The following CSMD3 variants were observed in gnomAD, a reference collection of about 807,000 sequenced individuals.
The protein encoded by CSMD3 is CUB and sushi domain-containing protein 3.
In CSMD3, 177 loss-of-function variants were observed where a neutral mutation model predicts 435.2. The ratio of observed to expected loss-of-function variants is 0.41; its 90% CI spans 0.36 to 0.46. The LOEUF (loss-of-function observed/expected upper bound fraction) is 0.46, where lower values mean the gene tolerates loss of function less well. Among genes scored for constraint, CSMD3 ranks in the 20% least tolerant of loss-of-function variants. CSMD3 has a pLI of 0.34. For synonymous variants in CSMD3, 1,656 were observed against 1,520.5 expected, an observed-to-expected ratio of 1.09 and a Z score of -2.07; for missense variants, 4,265 against 4,504.6, an observed-to-expected ratio of 0.95 and a Z score of 1.52.
chr8:112,913,552 C>G lies in CSMD3; in HGVS notation c.1633+8075G>C, dbSNP rs2082487198. Among the ~76,000 whole-genome samples, 7 of 151,932 alleles carry G rather than the reference C, an allele frequency of 4.6e-5. No individual in the cohort carries two copies. The South Asian group carries it at 1.5e-3, about 31-fold the overall frequency. On this transcript the variant is annotated intron_variant, in intron 10 of 70. Coordinates refer to ENST00000297405, the MANE Select transcript of CSMD3 (RefSeq NM_198123.2). ...ATAAACTATTGTAATTATATACTAA[C>G]TTTTAAAACTCTTGGCGCCCACCCT...
chr8:113,205,884 C>T (rs1053193582), intron 3 of CSMD3, among the ~76,000 whole-genome samples: 4 of 151,906 alleles, frequency 2.6e-5, no homozygotes, highest in South Asian at 2.1e-4. Context: ...GCTTTCATCA[C>T]GTTTGTTCAG....
intron 7 of CSMD3, among the ~76,000 whole-genome samples, chr8:112,959,404 A>G (rs1323635257): frequency 1.3e-5 from 2 of 152,008 alleles, no homozygotes; most frequent in African/African-American, 4.8e-5. Context: ...TATTTTAACA[A>G]TAAAGTATCT....
chr8:113,076,498 G>A (rs2089342472), intron 5 of CSMD3, among the ~76,000 whole-genome samples: 2 of 151,876 alleles, frequency 1.3e-5, no homozygotes, highest in African/African-American at 4.8e-5. Context: ...ACTTTTATTT[G>A]ATTAAATCTA....
At chr8:113,139,503 T>C (rs2131723412) in intron 4 of CSMD3, among the ~76,000 whole-genome samples, 1 of 151,112 alleles carries the variant, frequency 6.6e-6, no homozygotes, top group South Asian at 2.1e-4. Flanking sequence ...TATATGTTTT[T>C]ATATATGTAA....
intron 32 of CSMD3, among the ~76,000 whole-genome samples, chr8:112,459,470 C>T (rs1441970183): frequency 1.3e-5 from 2 of 151,856 alleles, no homozygotes; most frequent in Admixed American, 6.6e-5. Context: ...GAAGGGCCAG[C>T]GGCCAGAGAA....
chr8:113,343,100 G>A (rs1300918154), intron 1 of CSMD3, among the ~76,000 whole-genome samples: 1 of 151,966 alleles, frequency 6.6e-6, no homozygotes, highest in Non-Finnish European at 1.5e-5. Flanking sequence ...GGGAGCAGGA[G>A]GAAGAAAAGA....
rs376215015 is a variant in CSMD3 at position 112,251,248 on chromosome 8, T to G, written c.10110+3005A>C. 7.2e-5 allele frequency among the ~76,000 whole-genome samples: 11 copies of G among 151,868 alleles called. No individual in the cohort carries two copies. The East Asian group carries it at 1.9e-3, about 27-fold the overall frequency. ...ATTTTTAAAAATAAATTTACGTTTT[T>G]CATTATGTATTTATACAAAACATTT... On this transcript the variant is annotated intron_variant, in intron 63 of 70. Coordinates refer to ENST00000297405, the MANE Select transcript of CSMD3 (RefSeq NM_198123.2).
intron 13 of CSMD3, among the ~76,000 whole-genome samples, chr8:112,743,201 GA>G (rs2077350556): frequency 6.6e-6 from 1 of 151,620 alleles, no homozygotes; most frequent in Non-Finnish European, 1.5e-5. Flanking sequence ...TAAATCTTAA[GA>G]GACAAAAGCA....
In CSMD3 at chr8:112,336,648, T is replaced by A. The variant is rs996123450; in HGVS notation, c.7019+4A>T. ...ATAAATCAATAACAATAGTCCTGAC[T>A]TACCATACAGTAATGAAATCATATA... On this transcript the variant is annotated splice_donor_region_variant and intron_variant, in intron 44 of 70. Coordinates refer to ENST00000297405, the MANE Select transcript of CSMD3 (RefSeq NM_198123.2). 1.3e-6 allele frequency: 2 copies of A among 1,597,696 alleles called. No homozygotes were observed. Among genetic ancestry groups the A allele is most frequent in the Admixed American group, 3.3e-5 (2 of 59,976 alleles).
rs987692387 is a variant in CSMD3 at position 112,455,696 on chromosome 8, T to G, written c.5395+16895A>C. On this transcript the variant is annotated intron_variant, in intron 32 of 70. Transcript: ENST00000297405. ...TGAAAGATTTTCCTAGCATTTTTTT[T>G]TCAACGTGCTCATTTTACAGATGAG... Among the ~76,000 whole-genome samples the G allele has an allele frequency of 9.9e-5, 15 of 152,194 alleles. No individual in the cohort carries two copies. The East Asian group carries it at 2.9e-3, about 29-fold the overall frequency.
At chr8:113,085,750 T>A (rs1325997437) in intron 5 of CSMD3, among the ~76,000 whole-genome samples, 3 of 152,274 alleles carry the variant, frequency 2.0e-5, no homozygotes, top group East Asian at 3.9e-4. Context: ...TGTAGAGTAA[T>A]TTTATGGTTA....
chr8:113,386,232 T>C (rs1244477362), intron 1 of CSMD3, among the ~76,000 whole-genome samples: 1 of 151,918 alleles, frequency 6.6e-6, no homozygotes, highest in South Asian at 2.1e-4. Context: ...AATCCAAATA[T>C]AGTGTTTAAG....
chr8:112,910,889 T>C (rs575016668), intron 10 of CSMD3, among the ~76,000 whole-genome samples: 2 of 152,058 alleles, frequency 1.3e-5, no homozygotes, highest in South Asian at 4.1e-4. Flanking sequence ...TCTTGGTTGT[T>C]GAATTTAATT....
At chr8:113,320,500 A>T (rs1464293066) in intron 1 of CSMD3, among the ~76,000 whole-genome samples, 1 of 152,102 alleles carries the variant, frequency 6.6e-6, no homozygotes, top group Non-Finnish European at 1.5e-5. Flanking sequence ...GACAAACAAC[A>T]TTCACACTTG....
At chr8:112,258,268 A>T (rs1411890056) in intron 61 of CSMD3, among the ~76,000 whole-genome samples, 1 of 152,220 alleles carries the variant, frequency 6.6e-6, no homozygotes, top group East Asian at 1.9e-4. Flanking sequence ...ACAAAAGCCA[A>T]ATTTGACAAA....
chr8:112,674,527 C>G (rs992192408), intron 16 of CSMD3, among the ~76,000 whole-genome samples: 1 of 152,088 alleles, frequency 6.6e-6, no homozygotes, highest in African/African-American at 2.4e-5. Context: ...CCATCCCTGA[C>G]GGCACACCCT....
chr8:112,873,727 T>C (rs1158019407), intron 10 of CSMD3, among the ~76,000 whole-genome samples: 1 of 152,120 alleles, frequency 6.6e-6, no homozygotes, highest in African/African-American at 2.4e-5. Context: ...TCTCTGATGG[T>C]AGTTTGTATT....
At chr8:112,475,557 TTAAC>T (rs1818959818) in intron 31 of CSMD3, among the ~76,000 whole-genome samples, 1 of 152,094 alleles carries the variant, frequency 6.6e-6, no homozygotes, top group Non-Finnish European at 1.5e-5. Flanking sequence ...TAAGGGAAAA[TTAAC>T]TATGCTCTGA....
At chr8:112,690,768 A>G (rs2076118078) in intron 13 of CSMD3, among the ~76,000 whole-genome samples, 1 of 152,136 alleles carries the variant, frequency 6.6e-6, no homozygotes, top group Non-Finnish European at 1.5e-5. Flanking sequence ...AATATCTGGG[A>G]TCATCACTGT....
Sources: gnomAD v4.1 joint callset for allele counts (sites outside exome capture counted in the v4.1 genomes callset) on GRCh38, gnomAD v4.1.1 for gene constraint, MANE v1.5 for transcripts, NCBI Gene and HGNC (gene_info 2026-07-23, HGNC 2026-07-21) for gene names.